SND1: variants seen among roughly 807,000 people sequenced by gnomAD.
The protein encoded by SND1 is staphylococcal nuclease domain-containing protein 1.
A neutral mutation model predicts 121.7 loss-of-function variants in SND1; 38 were observed. That is an observed-to-expected ratio of 0.31 (90% CI 0.24 to 0.41). SND1 has a LOEUF of 0.41. Ranked by LOEUF, SND1 falls within the 10% of genes least tolerant of loss-of-function variation. The pLI, the probability that SND1 is intolerant of heterozygous loss-of-function variation, is 1.00. For synonymous variants in SND1, 401 were observed against 447.4 expected, an observed-to-expected ratio of 0.90 and a Z score of 1.31; for missense variants, 868 against 1,184.6, an observed-to-expected ratio of 0.73 and a Z score of 3.92.
intron 12 of SND1, among the ~76,000 whole-genome samples, chr7:127,873,074 A>T (rs1799627795): frequency 6.6e-6 from 1 of 152,132 alleles, no homozygotes; most frequent in Non-Finnish European, 1.5e-5. Flanking sequence ...ACCCTTTAAT[A>T]TGCCGTTCAC....
chr7:127,957,730 C>T (rs1047390221), intron 15 of SND1, among the ~76,000 whole-genome samples: 3 of 152,048 alleles, frequency 2.0e-5, no homozygotes, highest in Admixed American at 6.5e-5. Context: ...GATGGAGTTT[C>T]GCTCTTGTTG....
chr7:127,735,621 T>TG (rs908631413), intron 10 of SND1, among the ~76,000 whole-genome samples: 1 of 152,076 alleles, frequency 6.6e-6, no homozygotes, highest in African/African-American at 2.4e-5. Context: ...CCTGTTTTTT[T>TG]TTGTTGTTGT....
intron 15 of SND1, among the ~76,000 whole-genome samples, chr7:127,967,336 G>A (rs892381923): frequency 1.3e-5 from 2 of 152,208 alleles, no homozygotes; most frequent in Non-Finnish European, 2.9e-5. Flanking sequence ...GCACAAGTTC[G>A]TGGCAGGGAT....
intron 10 of SND1, among the ~76,000 whole-genome samples, chr7:127,757,994 A>C (rs1298287860): frequency 6.6e-6 from 1 of 152,206 alleles, no homozygotes; most frequent in Non-Finnish European, 1.5e-5. Flanking sequence ...ATAAGTATCA[A>C]TATAACTGTA....
chr7:128,061,281 A>C (rs905731542), intron 16 of SND1, among the ~76,000 whole-genome samples: 2 of 152,152 alleles, frequency 1.3e-5, no homozygotes, highest in African/African-American at 4.8e-5. Flanking sequence ...CATCCTACAG[A>C]TTGTTCTTTC....
intron 4 of SND1, among the ~76,000 whole-genome samples, chr7:127,699,431 G>T (rs763807129): frequency 1.3e-5 from 2 of 152,172 alleles, no homozygotes; most frequent in Non-Finnish European, 2.9e-5. Flanking sequence ...TGAATAAATA[G>T]AATACAAAGC....
At position 127,749,465 on chromosome 7, in the gene SND1, T is replaced by C. The variant is rs147791307; in HGVS notation, c.1152+28065T>C. ...GGGATTTGATGTGATTACAGTGTTA[T>C]GTTAGGAATATTTATCTGTGGTGAA... On this transcript the variant is annotated intron_variant, in intron 10 of 23. Coordinates refer to ENST00000354725, the MANE Select transcript of SND1 (RefSeq NM_014390.4). Among the ~76,000 whole-genome samples, 432 of 152,252 alleles carry C rather than the reference T, an allele frequency of 2.8e-3. 3 individuals carry two copies. The highest frequency in any genetic ancestry group is 0.014 in the Middle Eastern group (4 of 294).
intron 16 of SND1, among the ~76,000 whole-genome samples, chr7:128,011,337 T>C (rs1338293484): frequency 6.6e-6 from 1 of 152,202 alleles, no homozygotes; most frequent in Non-Finnish European, 1.5e-5. Context: ...TGTTCAGACC[T>C]TTGATGGATT....
At chr7:127,794,884 G>A (rs1482513062) in intron 10 of SND1, among the ~76,000 whole-genome samples, 1 of 152,246 alleles carries the variant, frequency 6.6e-6, no homozygotes, top group Non-Finnish European at 1.5e-5. Flanking sequence ...GAAAAGGAAA[G>A]TAGTGCCAGA....
intron 15 of SND1, among the ~76,000 whole-genome samples, chr7:127,946,682 C>G (rs1038189234): frequency 1.3e-5 from 2 of 152,190 alleles, no homozygotes; most frequent in Admixed American, 6.5e-5. Context: ...TGGACTGTTG[C>G]ATCTGATGCA....
intron 16 of SND1, among the ~76,000 whole-genome samples, chr7:128,060,287 G>T (rs1793209596): frequency 6.6e-6 from 1 of 152,264 alleles, no homozygotes; most frequent in East Asian, 1.9e-4. Flanking sequence ...GGGACTGGCA[G>T]GGTTGTAGGG....
chr7:127,678,278 C>T (rs905326106), intron 1 of SND1, among the ~76,000 whole-genome samples: 1 of 152,168 alleles, frequency 6.6e-6, no homozygotes, highest in Non-Finnish European at 1.5e-5. Flanking sequence ...GATTTCTCAG[C>T]TGTAAAATAA....
intron 9 of SND1, among the ~76,000 whole-genome samples, chr7:127,711,145 G>T (rs1796290585): frequency 6.6e-6 from 1 of 152,272 alleles, no homozygotes; most frequent in East Asian, 1.9e-4. Context: ...CTGTTTTAGA[G>T]CTGTCATCTT....
intron 2 of SND1, among the ~76,000 whole-genome samples, chr7:127,691,209 T>G (rs991996559): frequency 1.5e-5 from 2 of 137,766 alleles, no homozygotes; most frequent in Non-Finnish European, 3.3e-5. Flanking sequence ...CCAAAACCTA[T>G]TGAAATAAAA....
chr7:127,708,948 T>G (rs1796252637), intron 9 of SND1, among the ~76,000 whole-genome samples: 1 of 152,230 alleles, frequency 6.6e-6, no homozygotes, highest in African/African-American at 2.4e-5. Context: ...GTCTGTCTTT[T>G]AAGCAACCTC....
chr7:128,029,401 C>A lies in SND1; in HGVS notation c.1779+38345C>A. ...TACACCCCAGTGTCTGAAAGCAGCA[C>A]GTGGGAAAAGTTCAAGGTGCCGTCG... On this transcript the variant is annotated intron_variant, in intron 16 of 23. Transcript: ENST00000354725. This position sits in a 1 kb window ranked among gnomAD's most constrained non-coding sequence, Gnocchi z 4.2. The A allele has an allele frequency of 1.2e-6, 2 of 1,614,132 alleles. No homozygotes were observed. The highest frequency in any genetic ancestry group is 1.1e-5 in the South Asian group (1 of 91,078).
rs1796090634 is a variant in SND1, at chr7:127,701,014, G to A, written c.429-149G>A. The A allele has an allele frequency of 7.8e-6, 6 of 767,714 alleles. No individual in the cohort carries two copies. In the South Asian group the frequency reaches 1.2e-4, roughly 16 times the overall value. The allele number at this position is 767,714 out of a possible 1,614,324, so 47.6% of individuals were successfully genotyped here. A position where few individuals can be genotyped will look rare whatever the true frequency, so the allele number is the denominator to read the frequency against. ...GAAATTGCAATCATGGTGATTTTCTGGTTATAGGCTTGGGTCTTAAGCCAT... is the reference window on the plus strand; with the variant it reads ...GAAATTGCAATCATGGTGATTTTCTAGTTATAGGCTTGGGTCTTAAGCCAT... On this transcript the variant is annotated intron_variant, in intron 4 of 23. Coordinates refer to ENST00000354725, the MANE Select transcript of SND1 (RefSeq NM_014390.4).
chr7:127,837,675 G>A (rs915647807), intron 11 of SND1, among the ~76,000 whole-genome samples: 2 of 152,190 alleles, frequency 1.3e-5, no homozygotes, highest in South Asian at 2.1e-4. Flanking sequence ...CCTGTACCTC[G>A]ATGAATGGGT....
At chr7:127,967,600 C>G (rs980922065) in intron 15 of SND1, among the ~76,000 whole-genome samples, 26 of 152,198 alleles carry the variant, frequency 1.7e-4, no homozygotes, top group African/African-American at 6.3e-4. Flanking sequence ...ACTCAGCACC[C>G]TACCCTTGCT....
Sources: gnomAD v4.1 joint callset for allele counts (sites outside exome capture counted in the v4.1 genomes callset) on GRCh38, gnomAD v4.1.1 for gene constraint, Gnocchi (gnomAD v3.1) non-coding constraint, MANE v1.5 for transcripts, NCBI Gene and HGNC (gene_info 2026-07-23, HGNC 2026-07-21) for gene names.